The following MBD5 variants were observed in gnomAD, a reference collection of about 807,000 sequenced individuals.
MBD5 encodes the protein methyl-CpG-binding domain protein 5.
A neutral mutation model predicts 117.3 loss-of-function variants in MBD5; 13 were observed. The observed-to-expected ratio is 0.11, with a 90% CI of 0.07 to 0.18. MBD5 has a LOEUF of 0.18. MBD5 is among the 10% of genes least tolerant of loss of function. MBD5 has a pLI of 1.00. For missense variants in MBD5, 1,879 were observed against 2,093.8 expected (o/e 0.90, Z 2.00); for synonymous variants, 727 against 766.4 (o/e 0.95, Z 0.85).
intron 3 of MBD5, among the ~76,000 whole-genome samples, chr2:148,318,131 T>G (rs1702197076): frequency 1.3e-5 from 2 of 152,170 alleles, no homozygotes; most frequent in African/African-American, 4.8e-5. Context: ...TTTTTTCACT[T>G]TTTAGTAATA....
intron 1 of MBD5, among the ~76,000 whole-genome samples, chr2:148,069,674 T>C (rs1695300724): frequency 6.6e-6 from 1 of 152,086 alleles, no homozygotes; most frequent in South Asian, 2.1e-4. Flanking sequence ...AATTAATTAA[T>C]TAATTAATTA....
chr2:148,433,438 G>A (rs1462650529), intron 4 of MBD5, among the ~76,000 whole-genome samples: 1 of 152,116 alleles, frequency 6.6e-6, no homozygotes, highest in Admixed American at 6.6e-5. Flanking sequence ...TGGTTTTCAA[G>A]GGGATTCTCT....
At chr2:148,434,981 T>C (rs1706112498) in intron 4 of MBD5, among the ~76,000 whole-genome samples, 1 of 152,178 alleles carries the variant, frequency 6.6e-6, no homozygotes, top group South Asian at 2.1e-4. Flanking sequence ...ATTGAACCCT[T>C]TGTCATTTAC....
At chr2:148,487,931 C>T (rs562068295) in intron 10 of MBD5, among the ~76,000 whole-genome samples, 7 of 151,976 alleles carry the variant, frequency 4.6e-5, no homozygotes, top group African/African-American at 9.7e-5. Context: ...AGCAGGGGGT[C>T]GGGGGTAGGA....
chr2:148,437,088 T>G (rs531655219), intron 4 of MBD5, among the ~76,000 whole-genome samples: 1 of 152,210 alleles, frequency 6.6e-6, no homozygotes, highest in South Asian at 2.1e-4. Flanking sequence ...GCTCAAGCGA[T>G]TCTCCTGCCT....
At chr2:148,491,039 G>A (rs961608339) in intron 11 of MBD5, among the ~76,000 whole-genome samples, 1 of 152,216 alleles carries the variant, frequency 6.6e-6, no homozygotes, top group Non-Finnish European at 1.5e-5. Flanking sequence ...TCTCCTCCAT[G>A]TGCTTACATG....
intron 3 of MBD5, among the ~76,000 whole-genome samples, chr2:148,247,910 C>A (rs1700375303): frequency 6.6e-6 from 1 of 151,910 alleles, no homozygotes; most frequent in Admixed American, 6.6e-5. Flanking sequence ...TGATAAACAA[C>A]TAAAAACAAT....
chr2:148,344,153 A>T (rs1003554793), intron 4 of MBD5, among the ~76,000 whole-genome samples: 2 of 151,924 alleles, frequency 1.3e-5, no homozygotes, highest in Non-Finnish European at 2.9e-5. Context: ...TGGGTTCTTT[A>T]TTCTGTTCCA....
chr2:148,329,397 T>C (rs1702572550), intron 3 of MBD5, among the ~76,000 whole-genome samples: 2 of 152,340 alleles, frequency 1.3e-5, no homozygotes, highest in Non-Finnish European at 2.9e-5. Context: ...ATTTTTATTC[T>C]GACTTCAAAG....
chr2:148,502,459 A>C lies in MBD5; in HGVS notation c.4986A>C (p.Thr1662=), dbSNP rs1282138253. ...EGKVEPEKLK[T]LTEGLEAYSR... is the part of the protein sequence containing the mutation. Reference sequence around the variant, plus strand: ...AGGTGGAGCCCGAGAAGTTGAAGACACTAACAGAAGGTTTGGAAGCCTACA... The same window carrying C: ...AGGTGGAGCCCGAGAAGTTGAAGACCCTAACAGAAGGTTTGGAAGCCTACA... The change falls in exon 12 of 14, where the codon ACA becomes ACC. Residue 1662 remains threonine (T), a synonymous_variant. Coordinates refer to ENST00000642680, the MANE Select transcript of MBD5 (RefSeq NM_001378120.1). 1 of 1,614,122 alleles carries C rather than the reference A, an allele frequency of 6.2e-7. No homozygotes were observed. Among genetic ancestry groups the C allele is most frequent in the Non-Finnish European group, 8.5e-7 (1 of 1,180,032 alleles).
At chr2:148,376,831 T>C (rs1378142317) in intron 4 of MBD5, among the ~76,000 whole-genome samples, 4 of 91,100 alleles carry the variant, frequency 4.4e-5, no homozygotes, top group Non-Finnish European at 8.6e-5. Context: ...ATAATATATA[T>C]AACATATATA....
intron 7 of MBD5, among the ~76,000 whole-genome samples, chr2:148,465,769 A>C (rs918598623): frequency 2.0e-5 from 3 of 152,158 alleles, no homozygotes; most frequent in African/African-American, 7.2e-5. Flanking sequence ...CATGCAGGTA[A>C]TTAAAGATTC....
intron 1 of MBD5, among the ~76,000 whole-genome samples, chr2:148,056,819 T>C (rs1430792894): frequency 1.3e-5 from 2 of 151,968 alleles, no homozygotes; most frequent in Non-Finnish European, 2.9e-5. Flanking sequence ...GTTTCTTGAA[T>C]GCATAGTGAA....
intron 4 of MBD5, among the ~76,000 whole-genome samples, chr2:148,396,391 A>G (rs997412247): frequency 6.6e-6 from 1 of 152,196 alleles, no homozygotes; most frequent in South Asian, 2.1e-4. Context: ...TCTAACATTC[A>G]TGGCAGCTTT....
chr2:148,412,839 T>C (rs1240569756), intron 4 of MBD5, among the ~76,000 whole-genome samples: 2 of 152,120 alleles, frequency 1.3e-5, no homozygotes, highest in African/African-American at 4.8e-5. Context: ...TTTTTCTTAA[T>C]GAGATCTAGG....
chr2:148,336,585 C>T (rs1702796112), intron 3 of MBD5, among the ~76,000 whole-genome samples: 1 of 152,046 alleles, frequency 6.6e-6, no homozygotes, highest in South Asian at 2.1e-4. Context: ...TGGGGTTTTG[C>T]CATGTCACCT....
chr2:148,273,554 C>A lies in MBD5; in HGVS notation c.-680+40159C>A, dbSNP rs142117657. The stretch of plus-strand genomic sequence containing the variant: ...GAAACTGACTCAGCACGTTGTGACA[C>A]CCCCACCCTCAGGAATAGAAACAGT... On this transcript the variant is annotated intron_variant, in intron 3 of 13. Transcript: ENST00000642680. Among the ~76,000 whole-genome samples, 427 of 152,222 alleles carry A rather than the reference C, an allele frequency of 2.8e-3. 2 individuals are homozygous for A. The highest frequency in any genetic ancestry group is 4.4e-3 in the Non-Finnish European group (302 of 68,012).
intron 3 of MBD5, among the ~76,000 whole-genome samples, chr2:148,322,936 C>T (rs1225657197): frequency 6.6e-6 from 1 of 150,640 alleles, no homozygotes; most frequent in African/African-American, 2.4e-5. Context: ...TGCTGGTGCG[C>T]TGCACCCACT....
intron 1 of MBD5, among the ~76,000 whole-genome samples, chr2:148,138,004 T>C (rs1697213052): frequency 6.6e-6 from 1 of 152,238 alleles, no homozygotes; most frequent in African/African-American, 2.4e-5. Context: ...AATGTATCCC[T>C]GTCGTTAAGT....
Sources: allele counts gnomAD v4.1 joint callset (sites outside exome capture counted in the v4.1 genomes callset), GRCh38; gene constraint gnomAD v4.1.1; transcripts MANE v1.5; gene names NCBI Gene and HGNC (gene_info 2026-07-23, HGNC 2026-07-21).